Variants in LRP1B observed in about 807,000 individuals in gnomAD.
LRP1B encodes low-density lipoprotein receptor-related protein 1B.
LRP1B carries 217 observed loss-of-function variants against 556.6 expected under a neutral mutation model. The observed-to-expected ratio is 0.39, with a 90% confidence interval of 0.35 to 0.44. The LOEUF (loss-of-function observed/expected upper bound fraction) is 0.44, where lower values mean the gene tolerates loss of function less well. LRP1B is among the 20% of genes least tolerant of loss of function. The pLI, the probability that LRP1B is intolerant of heterozygous loss-of-function variation, is 1.00. For missense variants in LRP1B, 5,053 were observed against 5,620.8 expected, an observed-to-expected ratio of 0.90 and a Z score of 3.23; for synonymous variants, 2,047 against 1,865.8, an observed-to-expected ratio of 1.10 and a Z score of -2.50.
At chr2:140,667,664 A>T (rs184877010) in intron 41 of LRP1B, among the ~76,000 whole-genome samples, 32 of 152,316 alleles carry the variant, frequency 2.1e-4, no homozygotes, top group African/African-American at 7.5e-4. Context: ...TTTCCTAGTT[A>T]CACAGATATT....
chr2:141,049,372 A>C (rs772089932), intron 10 of LRP1B, 150 bp from the exon 11 acceptor site: 29 of 634,590 alleles, frequency 4.6e-5, no homozygotes, highest in Non-Finnish European at 7.3e-5. Flanking sequence ...ATCTTGATGC[A>C]AGAAGGCCAG....
At chr2:140,285,228 GGTATAT>G (rs1683094364) in intron 84 of LRP1B, among the ~76,000 whole-genome samples, 1 of 149,400 alleles carries the variant, frequency 6.7e-6, no homozygotes, top group African/African-American at 2.5e-5. Flanking sequence ...GATATAGATA[GGTATAT>G]GTATCTACAC....
chr2:141,880,843 CTG>C (rs1698935144), intron 1 of LRP1B, among the ~76,000 whole-genome samples: 1 of 150,654 alleles, frequency 6.6e-6, no homozygotes, highest in South Asian at 2.1e-4. Flanking sequence ...TGAATTCACA[CTG>C]TGAATACAAT....
At chr2:141,669,783 C>A (rs541203248) in intron 2 of LRP1B, among the ~76,000 whole-genome samples, 59 of 152,154 alleles carry the variant, frequency 3.9e-4, no homozygotes, top group African/African-American at 1.4e-3. Flanking sequence ...CATACAGAGT[C>A]TCACTCTGTC....
intron 5 of LRP1B, among the ~76,000 whole-genome samples, chr2:141,241,198 CT>C (rs1217161649): frequency 1.3e-5 from 2 of 152,068 alleles, no homozygotes; most frequent in African/African-American, 4.8e-5. Context: ...TGATTTCTAA[CT>C]GAATGATTGG....
At chr2:141,308,034 C>T (rs1686665336) in intron 3 of LRP1B, among the ~76,000 whole-genome samples, 1 of 152,120 alleles carries the variant, frequency 6.6e-6, no homozygotes, top group Non-Finnish European at 1.5e-5. Context: ...GTTGGATGTG[C>T]TACCTTATGG....
At chr2:140,251,349 A>C (rs1276494617) in intron 86 of LRP1B, among the ~76,000 whole-genome samples, 1 of 151,868 alleles carries the variant, frequency 6.6e-6, no homozygotes, top group African/African-American at 2.4e-5. Context: ...ATGAGATATA[A>C]AAAACTGAAG....
At chr2:141,945,839 A>G (rs1012816680) in intron 1 of LRP1B, among the ~76,000 whole-genome samples, 1 of 152,286 alleles carries the variant, frequency 6.6e-6, no homozygotes, top group Admixed American at 6.5e-5. Flanking sequence ...AAGTAAATAC[A>G]TTCCTAAACA....
At chr2:140,385,428 C>T (rs1000455000) in intron 67 of LRP1B, among the ~76,000 whole-genome samples, 1 of 151,862 alleles carries the variant, frequency 6.6e-6, no homozygotes, top group African/African-American at 2.4e-5. Context: ...AGAAATGCAT[C>T]CTGAATATAT....
intron 3 of LRP1B, among the ~76,000 whole-genome samples, chr2:141,354,330 C>G (rs189850208): frequency 2.0e-5 from 3 of 152,122 alleles, no homozygotes; most frequent in African/African-American, 7.2e-5. Flanking sequence ...AGAAGGTCAG[C>G]AGAACCCATC....
At chr2:141,536,868 A>G (rs1216655122) in intron 2 of LRP1B, among the ~76,000 whole-genome samples, 1 of 152,076 alleles carries the variant, frequency 6.6e-6, no homozygotes, top group Non-Finnish European at 1.5e-5. Flanking sequence ...CACAATTAAA[A>G]TATCTGTGCC....
chr2:140,847,404 G>C (rs553290192), intron 29 of LRP1B, among the ~76,000 whole-genome samples: 1 of 152,264 alleles, frequency 6.6e-6, no homozygotes, highest in South Asian at 2.1e-4. Flanking sequence ...AGCTTGTACA[G>C]ATACATCCCT....
intron 79 of LRP1B, among the ~76,000 whole-genome samples, chr2:140,333,587 T>C (rs1043767901): frequency 6.6e-6 from 1 of 151,944 alleles, no homozygotes; most frequent in Admixed American, 6.6e-5. Context: ...TTAATAAGAA[T>C]ATAAGCACTA....
At chr2:141,288,244 A>C (rs1029562593) in intron 3 of LRP1B, among the ~76,000 whole-genome samples, 1 of 151,606 alleles carries the variant, frequency 6.6e-6, no homozygotes, top group Non-Finnish European at 1.5e-5. Context: ...ATAACAAAAA[A>C]AAAAATTTGT....
chr2:140,537,206 A>T (rs374022238), intron 45 of LRP1B, among the ~76,000 whole-genome samples: 4 of 146,088 alleles, frequency 2.7e-5, no homozygotes, highest in Middle Eastern at 3.6e-3. Context: ...AGAATATATA[A>T]TATAATATAT....
intron 43 of LRP1B, among the ~76,000 whole-genome samples, chr2:140,577,318 A>G (rs1681564798): frequency 6.6e-6 from 1 of 152,042 alleles, no homozygotes; most frequent in African/African-American, 2.4e-5. Flanking sequence ...CCCCATTTCT[A>G]CTAAAGATAC....
intron 11 of LRP1B, among the ~76,000 whole-genome samples, chr2:141,042,276 G>A (rs1458916428): frequency 6.6e-6 from 1 of 151,996 alleles, no homozygotes; most frequent in Non-Finnish European, 1.5e-5. Context: ...GCAATCAACA[G>A]GCATGCTTAT....
At chr2:140,326,501 C>G (rs641780) in intron 79 of LRP1B, among the ~76,000 whole-genome samples, 73,624 of 151,746 alleles carry the variant, frequency 0.49, 18,403 homozygotes, top group Non-Finnish European at 0.53. Context: ...TGAGGCGGGA[C>G]GGTCAGGAGA....
At chr2:141,291,590 C>T (rs1258915861) in intron 3 of LRP1B, among the ~76,000 whole-genome samples, 1 of 152,060 alleles carries the variant, frequency 6.6e-6, no homozygotes, top group Non-Finnish European at 1.5e-5. Context: ...GGCGCGGTGG[C>T]TCACGCCTGT....
Sources: gnomAD v4.1 joint callset for allele counts (sites outside exome capture counted in the v4.1 genomes callset) on GRCh38, gnomAD v4.1.1 for gene constraint, MANE v1.5 for transcripts, NCBI Gene and HGNC (gene_info 2026-07-23, HGNC 2026-07-21) for gene names.